The following SMYD3 variants were observed in gnomAD, a reference collection of about 807,000 sequenced individuals.
SMYD3 encodes the protein SET and MYND domain containing 3.
Under a neutral mutation model 57.7 loss-of-function variants are expected in SMYD3, and 36 were observed. The observed-to-expected ratio is 0.62, with a 90% CI of 0.48 to 0.82. The LOEUF is 0.82. Ranked by LOEUF, SMYD3 falls within the 40% of genes least tolerant of loss-of-function variation. The pLI is 0.00. For synonymous variants in SMYD3, 211 were observed against 195.0 expected, an observed-to-expected ratio of 1.08 and a Z score of -0.68; for missense variants, 515 against 538.8, an observed-to-expected ratio of 0.96 and a Z score of 0.44.
rs115242770 is a variant in SMYD3, at chr1:246,332,362, C to G, written c.337-1825G>C. On this transcript the variant is annotated intron_variant, in intron 3 of 11. Transcript: ENST00000490107. ...AGAAGATCAAAACAGCCACAATATT[C>G]CCTTGAGCCAAAGCCTAATCCAGAG... 7.0e-3 allele frequency among the ~76,000 whole-genome samples: 1,066 copies of G among 152,326 alleles called. 8 individuals are homozygous for G. Among genetic ancestry groups the G allele is most frequent in the Non-Finnish European group, 9.6e-3 (653 of 68,036 alleles).
chr1:245,866,113 AGTCT>A (rs931584214), intron 8 of SMYD3, among the ~76,000 whole-genome samples: 3 of 152,246 alleles, frequency 2.0e-5, no homozygotes, highest in Admixed American at 6.5e-5. Context: ...TGCCAGAGTC[AGTCT>A]GTGTTTTTGG....
rs2185374 is a variant in SMYD3 at position 245,778,383 on chromosome 1, T to A, written c.1077-14234A>T. On this transcript the variant is annotated intron_variant, in intron 10 of 11. Coordinates refer to ENST00000490107, the MANE Select transcript of SMYD3 (RefSeq NM_001167740.2). ...TGATTCACACAAATGTAGCCAATTA[T>A]TTTTTTTTTCCCAAAGGCATAAGAA... Among the ~76,000 whole-genome samples the A allele has an allele frequency of 3.9e-3, 593 of 150,408 alleles. 6 individuals carry two copies. Among genetic ancestry groups the A allele is most frequent in the African/African-American group, 0.013 (556 of 41,272 alleles).
At chr1:246,159,690 T>C (rs2062082709) in intron 5 of SMYD3, among the ~76,000 whole-genome samples, 1 of 152,234 alleles carries the variant, frequency 6.6e-6, no homozygotes, top group Middle Eastern at 3.4e-3. Context: ...TGTGGGATAA[T>C]AGGTCCAGCT....
intron 1 of SMYD3, among the ~76,000 whole-genome samples, chr1:246,501,515 T>A (rs1488336473): frequency 6.6e-6 from 1 of 152,214 alleles, no homozygotes; most frequent in Non-Finnish European, 1.5e-5. Context: ...CAACCCATTA[T>A]CTGACCACTC....
At chr1:246,157,733 G>A (rs1179225804) in intron 5 of SMYD3, among the ~76,000 whole-genome samples, 1 of 152,186 alleles carries the variant, frequency 6.6e-6, no homozygotes, top group South Asian at 2.1e-4. Context: ...ACTAGCATGG[G>A]TGTGTCAATC....
intron 5 of SMYD3, among the ~76,000 whole-genome samples, chr1:246,311,662 C>T (rs778331614): frequency 1.3e-5 from 2 of 152,204 alleles, no homozygotes; most frequent in Admixed American, 6.5e-5. Flanking sequence ...CACGCGCACG[C>T]GCGCACACAC....
intron 10 of SMYD3, among the ~76,000 whole-genome samples, chr1:245,774,303 G>C (rs2046452418): frequency 6.6e-6 from 1 of 152,132 alleles, no homozygotes; most frequent in Non-Finnish European, 1.5e-5. Flanking sequence ...AACTTATTTG[G>C]AATGGTAAGT....
At chr1:245,888,361 G>C (rs960609798) in intron 8 of SMYD3, among the ~76,000 whole-genome samples, 5 of 152,142 alleles carry the variant, frequency 3.3e-5, no homozygotes, top group Admixed American at 3.3e-4. Context: ...TACATAAATG[G>C]AAGTGATCTC....
Position 245,790,202 on chromosome 1 carries a change from A to G in SMYD3, c.1077-26053T>C, listed in dbSNP as rs75633679. On this transcript the variant is annotated intron_variant, in intron 10 of 11. Coordinates refer to ENST00000490107, the MANE Select transcript of SMYD3 (RefSeq NM_001167740.2). ...CATTGGGGGCTGGTAGATGAGTAAAAATTAGGCTGATGAAAAAACAGTAGG... is the reference window on the plus strand; with the variant it reads ...CATTGGGGGCTGGTAGATGAGTAAAGATTAGGCTGATGAAAAAACAGTAGG... 5.9e-3 allele frequency among the ~76,000 whole-genome samples: 900 copies of G among 152,312 alleles called. 7 individuals carry two copies. Among genetic ancestry groups the G allele is most frequent in the African/African-American group, 0.02 (844 of 41,554 alleles).
intron 10 of SMYD3, among the ~76,000 whole-genome samples, chr1:245,787,079 C>A (rs951760529): frequency 1.3e-5 from 2 of 152,240 alleles, no homozygotes; most frequent in African/African-American, 4.8e-5. Flanking sequence ...AGAGCGGTAT[C>A]TTTACAACGC....
intron 1 of SMYD3, among the ~76,000 whole-genome samples, chr1:246,373,559 G>A (rs1325746258): frequency 6.6e-6 from 1 of 152,056 alleles, no homozygotes; most frequent in East Asian, 1.9e-4. Flanking sequence ...AGTATCATAT[G>A]CTAAATACAA....
At chr1:245,955,247 A>C (rs1421155420) in intron 5 of SMYD3, among the ~76,000 whole-genome samples, 2 of 80,500 alleles carry the variant, frequency 2.5e-5, no homozygotes, top group Non-Finnish European at 5.0e-5. Flanking sequence ...GCCCGCCGCC[A>C]TACCTGGCTA....
intron 1 of SMYD3, among the ~76,000 whole-genome samples, chr1:246,479,337 A>G (rs893976861): frequency 1.3e-5 from 2 of 152,212 alleles, no homozygotes; most frequent in East Asian, 3.8e-4. Flanking sequence ...TTTAAGCCTC[A>G]GTCACTTTAA....
intron 1 of SMYD3, among the ~76,000 whole-genome samples, chr1:246,489,409 T>C (rs184250956): frequency 1.7e-3 from 259 of 152,286 alleles, no homozygotes; most frequent in African/African-American, 6.0e-3. Context: ...ATCCTAGTAC[T>C]TTTGTGTGTG....
intron 5 of SMYD3, among the ~76,000 whole-genome samples, chr1:246,093,214 A>G (rs1424905669): frequency 4.6e-5 from 7 of 152,204 alleles, no homozygotes; most frequent in African/African-American, 1.4e-4. Flanking sequence ...ATGAATGTTC[A>G]GTGAAAAACT....
chr1:245,966,954 T>G (rs1257901181), intron 5 of SMYD3, among the ~76,000 whole-genome samples: 1 of 152,198 alleles, frequency 6.6e-6, no homozygotes, highest in African/African-American at 2.4e-5. Context: ...CTCATCGATA[T>G]CCACCACTGT....
intron 5 of SMYD3, among the ~76,000 whole-genome samples, chr1:246,025,498 C>T (rs2059559396): frequency 6.6e-6 from 1 of 152,168 alleles, no homozygotes; most frequent in Admixed American, 6.5e-5. Flanking sequence ...CGGTCATTTT[C>T]TGGAATTCAT....
chr1:246,125,311 T>C (rs2148044990), intron 5 of SMYD3, among the ~76,000 whole-genome samples: 1 of 152,342 alleles, frequency 6.6e-6, no homozygotes, highest in South Asian at 2.1e-4. Context: ...ACTTTCATCA[T>C]GTTAATTTTA....
intron 5 of SMYD3, among the ~76,000 whole-genome samples, chr1:245,939,570 T>G (rs1272419787): frequency 6.6e-6 from 1 of 152,064 alleles, no homozygotes; most frequent in Non-Finnish European, 1.5e-5. Flanking sequence ...GAGGTTGCAG[T>G]GAGCCAAGAT....
Sources: allele counts gnomAD v4.1 joint callset (sites outside exome capture counted in the v4.1 genomes callset), GRCh38; gene constraint gnomAD v4.1.1; transcripts MANE v1.5; gene names NCBI Gene and HGNC (gene_info 2026-07-23, HGNC 2026-07-21).